Variants in OXR1 observed in about 807,000 individuals in gnomAD.
The protein encoded by OXR1 is oxidation resistance protein 1.
A neutral mutation model predicts 104.6 loss-of-function variants in OXR1; 41 were observed. That is an observed-to-expected ratio of 0.39 (90% CI 0.31 to 0.51). OXR1 has a LOEUF of 0.51. OXR1 is among the 20% of genes least tolerant of loss of function. The probability of loss-of-function intolerance (pLI) is 0.77; values close to 1 mark genes in which losing one functional copy is unlikely to be tolerated. For synonymous variants in OXR1, 348 were observed against 348.4 expected (o/e 1.00, Z 0.01); for missense variants, 955 against 1,031.9 (o/e 0.93, Z 1.02).
At chr8:106,626,730 A>AT (rs1344514127) in intron 3 of OXR1, among the ~76,000 whole-genome samples, 2 of 151,032 alleles carry the variant, frequency 1.3e-5, no homozygotes, top group East Asian at 1.9e-4. Flanking sequence ...CCCTGTAATA[A>AT]TTTTTTACAA....
chr8:106,482,257 T>C (rs567455821), intron 2 of OXR1, among the ~76,000 whole-genome samples: 2 of 152,046 alleles, frequency 1.3e-5, no homozygotes, highest in South Asian at 2.1e-4. Flanking sequence ...GGTATGGGCA[T>C]GCCTGCTCCA....
chr8:106,707,804 A>G (rs1831288737), intron 9 of OXR1: 1 of 152,326 alleles, frequency 6.6e-6, no homozygotes, highest in Non-Finnish European at 1.5e-5. Flanking sequence ...CAACTAACTT[A>G]GCTAACATTT....
chr8:106,530,337 A>T (rs1426669944), intron 3 of OXR1, among the ~76,000 whole-genome samples: 4 of 152,026 alleles, frequency 2.6e-5, no homozygotes, highest in African/African-American at 9.7e-5. Flanking sequence ...TCTCAGTGTC[A>T]TCCAGGTTGG....
At chr8:106,424,251 A>G (rs780773261) in intron 2 of OXR1, among the ~76,000 whole-genome samples, 13 of 152,134 alleles carry the variant, frequency 8.5e-5, no homozygotes, top group Non-Finnish European at 1.9e-4. Flanking sequence ...TTCTTTACAG[A>G]AAAACTTAGA....
intron 9 of OXR1, 100 bp downstream of exon 9, chr8:106,707,245 A>G (rs1193171295): frequency 3.2e-6 from 3 of 941,594 alleles, no homozygotes; most frequent in Non-Finnish European, 5.1e-6. Flanking sequence ...GGCAACCTGA[A>G]GGATAAGTGA....
At chr8:106,387,776 A>G (rs1311021376) in intron 2 of OXR1, among the ~76,000 whole-genome samples, 2 of 152,224 alleles carry the variant, frequency 1.3e-5, no homozygotes, top group African/African-American at 2.4e-5. Flanking sequence ...TCCAGGTAAT[A>G]AAAGTACCCA....
At chr8:106,569,111 T>G (rs1457773778) in intron 3 of OXR1, among the ~76,000 whole-genome samples, 1 of 152,174 alleles carries the variant, frequency 6.6e-6, no homozygotes, top group Non-Finnish European at 1.5e-5. Flanking sequence ...GCATCACTTT[T>G]AATGATCACA....
At chr8:106,309,361 C>T (rs1169578635) in intron 1 of OXR1, among the ~76,000 whole-genome samples, 1 of 152,050 alleles carries the variant, frequency 6.6e-6, no homozygotes, top group South Asian at 2.1e-4. Context: ...CTTTCATAAC[C>T]TTACATACAC....
At chr8:106,744,369 T>TA (rs1261344555) in intron 15 of OXR1, among the ~76,000 whole-genome samples, 2 of 152,320 alleles carry the variant, frequency 1.3e-5, no homozygotes, top group East Asian at 1.9e-4. Flanking sequence ...TGAGGAATCA[T>TA]AAAATATGGC....
intron 3 of OXR1, among the ~76,000 whole-genome samples, chr8:106,547,341 A>G (rs1815438082): frequency 6.6e-6 from 1 of 151,836 alleles, no homozygotes; most frequent in Non-Finnish European, 1.5e-5. Context: ...CCATCATTCT[A>G]TTTTCTGTCC....
intron 2 of OXR1, among the ~76,000 whole-genome samples, chr8:106,466,365 G>C (rs1231167827): frequency 1.3e-5 from 2 of 151,754 alleles, no homozygotes; most frequent in Non-Finnish European, 2.9e-5. Flanking sequence ...TGTGGGGAGA[G>C]TGTGGCAGAC....
chr8:106,463,577 T>C (rs1449668909), intron 2 of OXR1, among the ~76,000 whole-genome samples: 4 of 152,120 alleles, frequency 2.6e-5, no homozygotes, highest in Non-Finnish European at 5.9e-5. Flanking sequence ...GAATACATGA[T>C]GGAAGGCTGA....
intron 1 of OXR1, among the ~76,000 whole-genome samples, chr8:106,359,197 C>T (rs1441216761): frequency 1.3e-5 from 2 of 151,882 alleles, no homozygotes; most frequent in Admixed American, 1.3e-4. Context: ...ATATTTGGTT[C>T]CTCCAAATCA....
intron 1 of OXR1, among the ~76,000 whole-genome samples, chr8:106,346,399 G>A (rs536005097): frequency 1.3e-5 from 2 of 152,124 alleles, no homozygotes; most frequent in African/African-American, 4.8e-5. Flanking sequence ...TCTAAAACTT[G>A]GTTGAAAAAG....
intron 2 of OXR1, among the ~76,000 whole-genome samples, chr8:106,478,795 A>G (rs186325539): frequency 7.5e-4 from 114 of 151,982 alleles, no homozygotes; most frequent in Middle Eastern, 3.4e-3. Context: ...TATGAACTTT[A>G]GCAGTAAGAA....
At chr8:106,653,499 C>T (rs1016683067) in intron 3 of OXR1, among the ~76,000 whole-genome samples, 11 of 151,686 alleles carry the variant, frequency 7.3e-5, no homozygotes, top group Admixed American at 5.9e-4. Context: ...GGACAAAAAG[C>T]ACAATATTAT....
intron 2 of OXR1, among the ~76,000 whole-genome samples, chr8:106,402,992 T>C: frequency 6.6e-6 from 1 of 152,070 alleles, no homozygotes; most frequent in Non-Finnish European, 1.5e-5. Context: ...GGCTAAATTT[T>C]TGTATTTTTA....
intron 2 of OXR1, among the ~76,000 whole-genome samples, chr8:106,506,597 C>T (rs574517403): frequency 3.2e-4 from 49 of 151,254 alleles, no homozygotes; most frequent in African/African-American, 1.1e-3. Flanking sequence ...GGTGACAGAG[C>T]GAGACTCCAT....
chr8:106,655,770 A>T (rs1305839080), intron 3 of OXR1, among the ~76,000 whole-genome samples: 1 of 152,082 alleles, frequency 6.6e-6, no homozygotes, highest in East Asian at 1.9e-4. Context: ...AGACATTACG[A>T]CTCAGCCGAG....
Sources: gnomAD v4.1 joint callset for allele counts (sites outside exome capture counted in the v4.1 genomes callset) on GRCh38, gnomAD v4.1.1 for gene constraint, MANE v1.5 for transcripts, NCBI Gene and HGNC (gene_info 2026-07-23, HGNC 2026-07-21) for gene names.